NSUN2: variants seen among roughly 807,000 people sequenced by gnomAD.
The protein encoded by NSUN2 is NOP2/Sun RNA methyltransferase 2, also known as RNA cytosine C(5)-methyltransferase NSUN2.
In NSUN2, 63 loss-of-function variants were observed where a neutral mutation model predicts 92.7. The ratio of observed to expected loss-of-function variants is 0.68; its 90% CI spans 0.56 to 0.84. The LOEUF (loss-of-function observed/expected upper bound fraction) is 0.84. NSUN2 is among the 40% of genes least tolerant of loss of function. The pLI, the probability that NSUN2 is intolerant of heterozygous loss-of-function variation, is 0.00. For missense variants in NSUN2, 989 were observed against 964.9 expected (o/e 1.02, Z -0.33); for synonymous variants, 356 against 348.3 (o/e 1.02, Z -0.25).
rs1737926537 is a variant in NSUN2 at position 6,632,017 on chromosome 5, CTAAGT to C, written c.255-45_255-41del. On this transcript the variant is annotated intron_variant, in intron 2 of 18. Coordinates refer to ENST00000264670, the MANE Select transcript of NSUN2 (RefSeq NM_017755.6). ...GGAAGTTTCAAACTGATCTAAAAAA[CTAAGT>C]TAATACATTGTATCTTCTTAAATTT... 11 of 1,461,564 alleles carry C rather than the reference CTAAGT, an allele frequency of 7.5e-6. No individual in the cohort carries two copies. The Middle Eastern group carries it at 8.7e-4, about 116-fold the overall frequency. The allele number at this position is 1,461,564 out of a possible 1,614,324, so 90.5% of individuals were successfully genotyped here. A position where few individuals can be genotyped will look rare whatever the true frequency, so the allele number is the denominator to read the frequency against.
At chr5:6,609,207 G>C (rs928261293) in intron 12 of NSUN2, among the ~76,000 whole-genome samples, 6 of 152,280 alleles carry the variant, frequency 3.9e-5, no homozygotes, top group Admixed American at 2.6e-4. Flanking sequence ...ATGGAAGGCT[G>C]ATTTATGAAC....
chr5:6,621,902 G>C, intron 6 of NSUN2, 114 bp downstream of exon 6: 1 of 814,128 alleles, frequency 1.2e-6, no homozygotes, highest in East Asian at 2.5e-5. Context: ...AAACCCAACT[G>C]CTTGTCATAG....
At chr5:6,625,737 C>T in intron 3 of NSUN2, 68 bp from the exon 4 acceptor site, 1 of 1,123,840 alleles carries the variant, frequency 8.9e-7, no homozygotes. Flanking sequence ...CAACTTTGTG[C>T]TTCTATCAGT....
At chr5:6,608,779 G>A (rs1219985564) in intron 12 of NSUN2, among the ~76,000 whole-genome samples, 1 of 152,204 alleles carries the variant, frequency 6.6e-6, no homozygotes, top group Non-Finnish European at 1.5e-5. Flanking sequence ...TGTGGTCACT[G>A]ACCACTTAAA....
At chr5:6,624,006 CA>C (rs1737558646) in intron 4 of NSUN2, among the ~76,000 whole-genome samples, 1 of 152,234 alleles carries the variant, frequency 6.6e-6, no homozygotes, top group Non-Finnish European at 1.5e-5. Context: ...CACAACCCTA[CA>C]AAAGCTGGGA....
Position 6,632,995 on chromosome 5 carries a change from G to C in NSUN2, c.-16C>G. 1 of 1,430,410 alleles carries C rather than the reference G, an allele frequency of 7.0e-7. No individual in the cohort carries two copies. The highest frequency in any genetic ancestry group is 9.1e-7 in the Non-Finnish European group (1 of 1,103,474). 88.6% of individuals were successfully genotyped at this position (1,430,410 alleles called of 1,614,324 possible). On this transcript the variant is annotated 5_prime_UTR_variant, in exon 1 of 19. Coordinates refer to ENST00000264670, the MANE Select transcript of NSUN2 (RefSeq NM_017755.6). ...GCCGCCCCATAGCCCACGCGGCCGC[G>C]CACGCAGCACGCAGAAACCGGCCCG...
chr5:6,605,877 T>C (rs1736749341), intron 14 of NSUN2, among the ~76,000 whole-genome samples: 1 of 151,940 alleles, frequency 6.6e-6, no homozygotes, highest in South Asian at 2.1e-4. Flanking sequence ...GTATTTTTAG[T>C]AAAGACGGGG....
chr5:6,613,982 A>C (rs752961873), intron 9 of NSUN2, among the ~76,000 whole-genome samples: 44 of 150,990 alleles, frequency 2.9e-4, no homozygotes, highest in Non-Finnish European at 4.6e-4. Flanking sequence ...CTGTAGTCCC[A>C]GCTACTCGGG....
chr5:6,611,587 C>G, intron 10 of NSUN2, 138 bp downstream of exon 10: 1 of 689,320 alleles, frequency 1.5e-6, no homozygotes, highest in East Asian at 2.8e-5. Flanking sequence ...TGAAATAACA[C>G]TCCGAAATTG....
chr5:6,603,376 C>T (rs1465209325), intron 17 of NSUN2, among the ~76,000 whole-genome samples: 1 of 152,200 alleles, frequency 6.6e-6, no homozygotes, highest in African/African-American at 2.4e-5. Flanking sequence ...TAGCCAGTCT[C>T]GTGAGGCTGT....
chr5:6,600,247 G>A lies in NSUN2; in HGVS notation c.1998-15C>T, dbSNP rs201556393. 7.8e-5 allele frequency: 126 copies of A among 1,607,226 alleles called. No homozygotes were observed. The African/African-American group carries it at 1.6e-3, about 20-fold the overall frequency. ...CGTCTGGATTCCTACAAGTGAAAGT[G>A]GCTTCATGTAGAACATTAAACATTC... On this transcript the variant is annotated splice_polypyrimidine_tract_variant and intron_variant, in intron 18 of 18. Coordinates refer to ENST00000264670, the MANE Select transcript of NSUN2 (RefSeq NM_017755.6).
rs754969705 is a variant in NSUN2, at chr5:6,607,222, T to A, written c.1486A>T (p.Ser496Cys). ...TACCCACACACGCCATCTTTCTTACTGCCATTATTCTCTAAATCCTCAGTT... is the reference window on the plus strand; with the variant it reads ...TACCCACACACGCCATCTTTCTTACAGCCATTATTCTCTAAATCCTCAGTT... ...HATEDLENNG[S>C]KKDGVCGPPP... The change falls in exon 13 of 19, where the codon AGT (serine) becomes TGT (cysteine). Residue 496 changes from serine (S) to cysteine (C), a missense_variant. Ser to Cys is a moderately radical substitution (Grantham distance 112). Around this residue, in one of 3 missense-constraint regions of NSUN2, gnomAD observed 626 missense variants for 602.3 expected, o/e 1.04. Transcript: ENST00000264670. 1.3e-5 allele frequency: 21 copies of A among 1,614,226 alleles called. No homozygotes were observed. The East Asian group carries it at 4.7e-4, about 36-fold the overall frequency.
At position 6,600,451 on chromosome 5, in the gene NSUN2, G is replaced by A. The variant is rs190758042; in HGVS notation, c.1998-219C>T. On this transcript the variant is annotated intron_variant, in intron 18 of 18. Transcript: ENST00000264670. ...GAGTAAAATTCTCACCCTCGCTTTC[G>A]CCCTGCCTCTTTAAGTTCACAATGG... 1.7e-3 allele frequency among the ~76,000 whole-genome samples: 263 copies of A among 152,010 alleles called. 1 individual carries two copies. Among genetic ancestry groups the A allele is most frequent in the Middle Eastern group, 6.8e-3 (2 of 294 alleles).
intron 9 of NSUN2, among the ~76,000 whole-genome samples, chr5:6,616,179 G>C (rs1161532382): frequency 6.6e-6 from 1 of 152,196 alleles, no homozygotes; most frequent in Admixed American, 6.5e-5. Context: ...TCGTAACCAG[G>C]ATCTTGGAGA....
intron 13 of NSUN2, 81 bp from the exon 14 acceptor site, chr5:6,606,993 G>T: frequency 2.0e-6 from 2 of 1,007,684 alleles, no homozygotes; most frequent in Non-Finnish European, 3.0e-6. Flanking sequence ...CTTCCTTTCT[G>T]TCAGTTCTGT....
intron 12 of NSUN2, 38 bp downstream of exon 12, chr5:6,609,788 A>G (rs368883289): frequency 4.0e-6 from 6 of 1,511,264 alleles, no homozygotes; most frequent in Non-Finnish European, 5.5e-6. Flanking sequence ...AATGTACAAG[A>G]TCAAATGTTA....
At chr5:6,607,089 A>G in intron 13 of NSUN2, 111 bp downstream of exon 13, 1 of 1,145,196 alleles carries the variant, frequency 8.7e-7, no homozygotes, top group South Asian at 1.4e-5. Flanking sequence ...CTGATACCAC[A>G]CATGTACTGC....
At chr5:6,616,037 CTG>C (rs375192902) in intron 9 of NSUN2, among the ~76,000 whole-genome samples, 73 of 152,254 alleles carry the variant, frequency 4.8e-4, no homozygotes, top group Non-Finnish European at 8.2e-4. Context: ...CCCTTGTGCA[CTG>C]GGGGTAGAAA....
chr5:6,626,854 A>G (rs896743283), intron 3 of NSUN2, among the ~76,000 whole-genome samples: 3 of 152,212 alleles, frequency 2.0e-5, no homozygotes, highest in Admixed American at 6.5e-5. Context: ...CAGGCTCACA[A>G]TGTTTCCATG....
Sources: gnomAD v4.1 joint callset for allele counts (sites outside exome capture counted in the v4.1 genomes callset) on GRCh38, gnomAD v4.1.1 for gene constraint, gnomAD v4.1.1 regional missense constraint, MANE v1.5 for transcripts, NCBI Gene and HGNC (gene_info 2026-07-23, HGNC 2026-07-21) for gene names.